ROCK2: variants seen among roughly 807,000 people sequenced by gnomAD.
ROCK2 encodes Rho associated coiled-coil containing protein kinase 2.
Under a neutral mutation model 195.1 loss-of-function variants are expected in ROCK2, and 61 were observed. The ratio of observed to expected loss-of-function variants is 0.31; its 90% CI spans 0.25 to 0.39. The LOEUF is 0.39. Among genes scored for constraint, ROCK2 ranks in the 10% least tolerant of loss-of-function variants. ROCK2 has a pLI of 1.00. For synonymous variants in ROCK2, 504 were observed against 545.5 expected (o/e 0.92, Z 1.06); for missense variants, 1,109 against 1,637.4 (o/e 0.68, Z 5.57).
At chr2:11,274,560 C>G (rs1304505524) in intron 3 of ROCK2, among the ~76,000 whole-genome samples, 3 of 152,126 alleles carry the variant, frequency 2.0e-5, no homozygotes, top group Admixed American at 2.0e-4. Context: ...AAGACTAACT[C>G]ACACAAAAAA....
At chr2:11,263,536 T>C (rs1212093124) in intron 3 of ROCK2, among the ~76,000 whole-genome samples, 1 of 151,612 alleles carries the variant, frequency 6.6e-6, no homozygotes, top group Non-Finnish European at 1.5e-5. Context: ...AGAACAGCTA[T>C]GAATCCCTGA....
intron 3 of ROCK2, among the ~76,000 whole-genome samples, chr2:11,254,616 C>G (rs1316814597): frequency 6.7e-6 from 1 of 148,348 alleles, no homozygotes; most frequent in Non-Finnish European, 1.5e-5. Flanking sequence ...TAGAGAAGGG[C>G]AGGTGTGGTG....
intron 5 of ROCK2, chr2:11,234,124 A>G (rs1665120982): frequency 6.6e-6 from 1 of 152,092 alleles, no homozygotes; most frequent in Non-Finnish European, 1.5e-5. Flanking sequence ...AAATAAAAAT[A>G]AATAAAAGTA....
chr2:11,259,545 T>C (rs1434799813), intron 3 of ROCK2, among the ~76,000 whole-genome samples: 2 of 151,340 alleles, frequency 1.3e-5, no homozygotes, highest in East Asian at 3.9e-4. Flanking sequence ...TGAGACTCAG[T>C]TTTGCAATCT....
At chr2:11,247,957 G>A (rs975710349) in intron 4 of ROCK2, among the ~76,000 whole-genome samples, 2 of 152,072 alleles carry the variant, frequency 1.3e-5, no homozygotes, top group African/African-American at 2.4e-5. Context: ...AGGAGGTGGA[G>A]GTTGCAATGA....
chr2:11,237,012 C>T (rs989052779), intron 4 of ROCK2, among the ~76,000 whole-genome samples: 1 of 152,022 alleles, frequency 6.6e-6, no homozygotes, highest in Non-Finnish European at 1.5e-5. Context: ...ATTAGCCAGG[C>T]GTAGTGGCAG....
chr2:11,303,606 T>C (rs185901866), intron 1 of ROCK2, among the ~76,000 whole-genome samples: 7 of 152,130 alleles, frequency 4.6e-5, no homozygotes, highest in Non-Finnish European at 1.0e-4. Flanking sequence ...GTTATTTCTC[T>C]TACCCTTAAG....
At chr2:11,214,717 TA>T (rs1264001618) in intron 16 of ROCK2, 122 bp downstream of exon 16, 1 of 918,812 alleles carries the variant, frequency 1.1e-6, no homozygotes, top group African/African-American at 1.7e-5. Flanking sequence ...GTATTTCTAA[TA>T]TTCTAACTTT....
rs762981787 is a variant in ROCK2, at chr2:11,194,343, T to C, written c.3521A>G (p.Tyr1174Cys). Residue 1174 changes from tyrosine to cysteine, a missense_variant and splice_region_variant, in exon 29 of 33, where the codon TAT becomes TGT. Tyr to Cys is a radical substitution (Grantham distance 194). Coordinates refer to ENST00000315872, the MANE Select transcript of ROCK2 (RefSeq NM_004850.5). ...AATCTTCTTACTGCTTACAATCACA[T>C]ACTGTTAAAACAGGGAGAAAAGAAA... is the stretch of plus-strand genomic sequence containing the variant. ...NTKKFGWVKK[Y>C]VIVSSKKILF... The C allele has an allele frequency of 2.2e-6, 3 of 1,366,586 alleles. No individual in the cohort carries two copies. The highest frequency in any genetic ancestry group is 3.0e-6 in the Non-Finnish European group (3 of 1,004,614). The allele number at this position is 1,366,586 out of a possible 1,614,324, so 84.7% of individuals were successfully genotyped here.
chr2:11,344,407 C>T lies in ROCK2; in HGVS notation c.-271G>A, dbSNP rs1239593186. The T allele has an allele frequency of 3.4e-5, 37 of 1,095,110 alleles. 2 individuals are homozygous for T. In the African/African-American group the frequency reaches 4.9e-4, roughly 15 times the overall value. The allele number at this position is 1,095,110 out of a possible 1,614,324, so 67.8% of individuals were successfully genotyped here. A position where few individuals can be genotyped will look rare whatever the true frequency, so the allele number is the denominator to read the frequency against. ...CCGCCCCTCAGTCAGATTCGCGCCGCCGGTCCGCTGGTCCTCAGCGAGTGC... is the reference window on the plus strand; with the variant it reads ...CCGCCCCTCAGTCAGATTCGCGCCGTCGGTCCGCTGGTCCTCAGCGAGTGC... On this transcript the variant is annotated 5_prime_UTR_variant, in exon 1 of 33. Coordinates refer to ENST00000315872, the MANE Select transcript of ROCK2 (RefSeq NM_004850.5). The surrounding 1 kb of genome is among the most constrained non-coding windows in gnomAD (Gnocchi z 5.4).
At chr2:11,196,761 A>G (rs1451532932) in intron 27 of ROCK2, among the ~76,000 whole-genome samples, 1 of 152,224 alleles carries the variant, frequency 6.6e-6, no homozygotes, top group African/African-American at 2.4e-5. Context: ...AGAGTCAAGG[A>G]GCGTGTGAGA....
intron 3 of ROCK2, among the ~76,000 whole-genome samples, chr2:11,252,389 T>TG (rs1253126687): frequency 3.6e-5 from 5 of 140,676 alleles, no homozygotes; most frequent in African/African-American, 8.0e-5. Flanking sequence ...CCAGCCTGGG[T>TG]GAAAAAAAAA....
In ROCK2 at chr2:11,211,631, T is replaced by C. The variant is rs1377475107; in HGVS notation, c.2203+50A>G. ...TCAAAACCAAAAAGCTAACACAGAA[T>C]CAATTCTTAGGAAGACGCTGCTGGA... On this transcript the variant is annotated intron_variant, in intron 18 of 32. Transcript: ENST00000315872. The C allele has an allele frequency of 2.7e-6, 4 of 1,481,556 alleles. No homozygotes were observed. In the African/African-American group the frequency reaches 4.2e-5, roughly 16 times the overall value. 91.8% of individuals were successfully genotyped at this position (1,481,556 alleles called of 1,614,324 possible). A position where few individuals can be genotyped will look rare whatever the true frequency, so the allele number is the denominator to read the frequency against.
At chr2:11,194,469 T>G (rs918254100) in intron 28 of ROCK2, 125 bp from the exon 29 acceptor site, 12 of 388,280 alleles carry the variant, frequency 3.1e-5, no homozygotes, top group African/African-American at 2.1e-4. Flanking sequence ...CTAAAAAGTA[T>G]TTAATATATC....
At chr2:11,295,570 A>C (rs898070216) in intron 1 of ROCK2, among the ~76,000 whole-genome samples, 2 of 152,164 alleles carry the variant, frequency 1.3e-5, no homozygotes, top group African/African-American at 4.8e-5. Flanking sequence ...TTTGATATTC[A>C]TAATATCGTT....
At chr2:11,324,612 A>T (rs1038598391) in intron 1 of ROCK2, among the ~76,000 whole-genome samples, 1 of 152,234 alleles carries the variant, frequency 6.6e-6, no homozygotes, top group African/African-American at 2.4e-5. Context: ...GAAATGAGCT[A>T]TCAAGCCATG....
intron 20 of ROCK2, among the ~76,000 whole-genome samples, chr2:11,204,900 T>G (rs759412909): frequency 3.9e-5 from 6 of 152,216 alleles, no homozygotes; most frequent in Non-Finnish European, 8.8e-5. Context: ...ACTTTTCCTC[T>G]TTCATTATCA....
intron 3 of ROCK2, among the ~76,000 whole-genome samples, chr2:11,265,267 A>T (rs749841726): frequency 5.9e-5 from 9 of 152,208 alleles, no homozygotes; most frequent in Non-Finnish European, 1.3e-4. Context: ...TATTACATTT[A>T]TCTTCAGAAA....
At chr2:11,204,562 G>A (rs1481731088) in intron 20 of ROCK2, among the ~76,000 whole-genome samples, 1 of 152,100 alleles carries the variant, frequency 6.6e-6, no homozygotes, top group Admixed American at 6.5e-5. Flanking sequence ...TTCGCTGGGT[G>A]CTAGATCTCC....
Sources: allele counts gnomAD v4.1 joint callset (sites outside exome capture counted in the v4.1 genomes callset), GRCh38; gene constraint gnomAD v4.1.1; non-coding constraint Gnocchi (gnomAD v3.1); transcripts MANE v1.5; gene names NCBI Gene and HGNC (gene_info 2026-07-23, HGNC 2026-07-21).